BCL2L14: variants seen among roughly 807,000 people sequenced by gnomAD.
BCL2L14 encodes the protein apoptosis facilitator Bcl-2-like protein 14.
In BCL2L14, 27 loss-of-function variants were observed where a neutral mutation model predicts 35.3. The observed-to-expected ratio is 0.76, with a 90% confidence interval of 0.56 to 1.05. BCL2L14 has a LOEUF of 1.05. BCL2L14 is among the 50% of genes least tolerant of loss of function. The pLI is 0.00. For synonymous variants in BCL2L14, 139 were observed against 145.9 expected (o/e 0.95, Z 0.34); for missense variants, 377 against 382.6 (o/e 0.99, Z 0.12).
chr12:12,078,342 C>T (rs1312686144), intron 1 of BCL2L14, among the ~76,000 whole-genome samples: 1 of 152,150 alleles, frequency 6.6e-6, no homozygotes, highest in African/African-American at 2.4e-5. Flanking sequence ...AGGGTCAGGT[C>T]CCAGGCATTT....
intron 2 of BCL2L14, among the ~76,000 whole-genome samples, chr12:12,056,832 A>G (rs1316352797): frequency 2.0e-5 from 3 of 152,190 alleles, no homozygotes; most frequent in South Asian, 2.1e-4. Flanking sequence ...GCGAAACTCC[A>G]TCTCAAAACA....
intron 2 of BCL2L14, among the ~76,000 whole-genome samples, chr12:12,065,471 G>C (rs920935850): frequency 6.6e-6 from 1 of 151,222 alleles, no homozygotes; most frequent in Non-Finnish European, 1.5e-5. Context: ...GGGAGGCGGA[G>C]GTTGCAGTGA....
At chr12:12,093,914 G>A (rs2136780365) in intron 4 of BCL2L14, among the ~76,000 whole-genome samples, 1 of 151,670 alleles carries the variant, frequency 6.6e-6, no homozygotes, top group Middle Eastern at 3.4e-3. Flanking sequence ...CCCAGGAGTG[G>A]GCAACATGGC....
chr12:12,066,522 A>G (rs1948595888), upstream of BCL2L14, among the ~76,000 whole-genome samples: 1 of 152,174 alleles, frequency 6.6e-6, no homozygotes, highest in Non-Finnish European at 1.5e-5. Context: ...ATATAAATCA[A>G]TTCCAGAATC....
chr12:12,097,817 A>G lies in BCL2L14; in HGVS notation c.946-1133A>G, dbSNP rs188977584. ...AAAAAACAGTTCCAATTAGAAAAAA[A>G]AAAAGATGAATTATTCAGTAGGAAT... is the stretch of plus-strand genomic sequence containing the variant. On this transcript the variant is annotated intron_variant, in intron 5 of 5. Coordinates refer to ENST00000308721, the MANE Select transcript of BCL2L14 (RefSeq NM_138723.2). Among the ~76,000 whole-genome samples, 348 of 152,306 alleles carry G rather than the reference A, an allele frequency of 2.3e-3. 2 individuals are homozygous for G. The highest frequency in any genetic ancestry group is 7.6e-3 in the African/African-American group (314 of 41,556).
intron 2 of BCL2L14, among the ~76,000 whole-genome samples, chr12:12,061,654 T>C (rs4763771): frequency 0.23 from 35,053 of 151,932 alleles, 4,269 homozygotes; most frequent in South Asian, 0.32. Flanking sequence ...TTCTTTACTA[T>C]TCCTTTGCAC....
At chr12:12,059,608 G>GA (rs1475575276) in intron 2 of BCL2L14, among the ~76,000 whole-genome samples, 1 of 149,864 alleles carries the variant, frequency 6.7e-6, no homozygotes, top group Non-Finnish European at 1.5e-5. Flanking sequence ...TGGAGGGCAA[G>GA]AACCCCCTAC....
intron 2 of BCL2L14, among the ~76,000 whole-genome samples, chr12:12,061,990 A>C (rs1359054573): frequency 1.3e-5 from 2 of 152,192 alleles, no homozygotes. Context: ...CTATGCAAAC[A>C]ACTTGACCTT....
At chr12:12,080,539 G>C (rs1948896457) in intron 2 of BCL2L14, among the ~76,000 whole-genome samples, 2 of 151,160 alleles carry the variant, frequency 1.3e-5, no homozygotes, top group South Asian at 4.2e-4. Context: ...AGAATCGCTT[G>C]AACCTGGGAG....
chr12:12,059,137 T>C (rs975540874), intron 2 of BCL2L14, among the ~76,000 whole-genome samples: 4 of 152,202 alleles, frequency 2.6e-5, no homozygotes, highest in African/African-American at 9.7e-5. Flanking sequence ...CCCTTAGTGT[T>C]TAATCATTGC....
chr12:12,050,809 A>AAAAG (rs1948345548), intron 1 of BCL2L14, among the ~76,000 whole-genome samples: 3 of 134,672 alleles, frequency 2.2e-5, no homozygotes, highest in African/African-American at 5.2e-5. Context: ...AAAAAAAAAA[A>AAAAG]AAAAGAAAAG....
chr12:12,094,537 G>C, intron 4 of BCL2L14, 127 bp from the exon 5 acceptor site: 1 of 1,614,210 alleles, frequency 6.2e-7, no homozygotes, highest in Non-Finnish European at 8.5e-7. Flanking sequence ...CCATTCCCTT[G>C]GTTGACACCA....
At chr12:12,070,501 C>T (rs1948652886), upstream of BCL2L14, among the ~76,000 whole-genome samples, 4 of 152,064 alleles carry the variant, frequency 2.6e-5, no homozygotes, top group Admixed American at 2.6e-4. Flanking sequence ...CATGGTGAAA[C>T]CCCTGTCTCT....
chr12:12,084,529 C>A (rs965695652), intron 2 of BCL2L14, among the ~76,000 whole-genome samples: 2 of 152,078 alleles, frequency 1.3e-5, no homozygotes, highest in African/African-American at 2.4e-5. Context: ...ACCTTCCGAC[C>A]CTGTTGGCCT....
At chr12:12,065,747 C>T (rs1388065946) in intron 2 of BCL2L14, among the ~76,000 whole-genome samples, 1 of 151,934 alleles carries the variant, frequency 6.6e-6, no homozygotes, top group Non-Finnish European at 1.5e-5. Flanking sequence ...TCTTCCTGTC[C>T]TCCCTGGTAG....
intron 4 of BCL2L14, among the ~76,000 whole-genome samples, chr12:12,092,938 C>G (rs1949224933): frequency 6.6e-6 from 1 of 152,190 alleles, no homozygotes; most frequent in African/African-American, 2.4e-5. Context: ...AGAGGATTTT[C>G]AAATAAATAT....
intron 3 of BCL2L14, 114 bp downstream of exon 3, chr12:12,087,500 G>A: frequency 2.5e-6 from 3 of 1,185,744 alleles, no homozygotes; most frequent in Non-Finnish European, 3.6e-6. Flanking sequence ...TGGACTGAGG[G>A]CTTGACAGCC....
chr12:12,050,807 A>AAG (rs33973106), intron 1 of BCL2L14, among the ~76,000 whole-genome samples: 29,117 of 144,930 alleles, frequency 0.2, 3,413 homozygotes, highest in East Asian at 0.31. Flanking sequence ...AAAAAAAAAA[A>AAG]AAAAAAGAAA....
At chr12:12,083,841 G>A (rs534611773) in intron 2 of BCL2L14, among the ~76,000 whole-genome samples, 1 of 152,110 alleles carries the variant, frequency 6.6e-6, no homozygotes, top group Admixed American at 6.6e-5. Flanking sequence ...TCAGCTACTC[G>A]AGAGGCTGAA....
Sources: allele counts gnomAD v4.1 joint callset (sites outside exome capture counted in the v4.1 genomes callset), GRCh38; gene constraint gnomAD v4.1.1; transcripts MANE v1.5; gene names NCBI Gene and HGNC (gene_info 2026-07-23, HGNC 2026-07-21).